The following EPHB1 variants were observed in gnomAD, a reference collection of about 807,000 sequenced individuals.
The protein encoded by EPHB1 is EPH receptor B1, also known as ephrin type-B receptor 1.
Under a neutral mutation model 94.4 loss-of-function variants are expected in EPHB1, and 30 were observed. The ratio of observed to expected loss-of-function variants is 0.32; its 90% CI spans 0.24 to 0.43. The LOEUF (loss-of-function observed/expected upper bound fraction) is 0.43, where lower values mean the gene tolerates loss of function less well. EPHB1 is among the 20% of genes least tolerant of loss of function. The pLI, the probability that EPHB1 is intolerant of heterozygous loss-of-function variation, is 1.00. For missense variants in EPHB1, 1,055 were observed against 1,308.3 expected, an observed-to-expected ratio of 0.81 and a Z score of 2.99; for synonymous variants, 522 against 489.1, an observed-to-expected ratio of 1.07 and a Z score of -0.89.
intron 3 of EPHB1, among the ~76,000 whole-genome samples, chr3:135,021,120 C>T (rs1369034230): frequency 6.6e-6 from 1 of 152,138 alleles, no homozygotes; most frequent in African/African-American, 2.4e-5. Context: ...CAAGTCACCT[C>T]TCTTATTGTT....
At chr3:135,097,995 G>A (rs1458215597) in intron 3 of EPHB1, among the ~76,000 whole-genome samples, 1 of 152,028 alleles carries the variant, frequency 6.6e-6, no homozygotes, top group African/African-American at 2.4e-5. Flanking sequence ...CACATCCTTT[G>A]AGGCCCTGTG....
At chr3:134,819,724 T>C (rs749678112) in intron 1 of EPHB1, among the ~76,000 whole-genome samples, 1 of 152,186 alleles carries the variant, frequency 6.6e-6, no homozygotes, top group Non-Finnish European at 1.5e-5. Flanking sequence ...AGCTTCTTTT[T>C]GTGGGAAAGG....
chr3:135,246,700 A>G (rs1220937206), intron 13 of EPHB1, among the ~76,000 whole-genome samples: 1 of 135,342 alleles, frequency 7.4e-6, no homozygotes, highest in African/African-American at 2.8e-5. Flanking sequence ...TTTGATTGAC[A>G]ACAGTTTAGA....
intron 3 of EPHB1, among the ~76,000 whole-genome samples, chr3:135,045,348 T>A (rs1936970128): frequency 6.6e-6 from 1 of 152,258 alleles, no homozygotes; most frequent in Non-Finnish European, 1.5e-5. Context: ...AGTGTTTGAT[T>A]AAGTCTTTAT....
chr3:135,194,136 G>A (rs114048810), intron 11 of EPHB1, among the ~76,000 whole-genome samples: 3,156 of 152,252 alleles, frequency 0.021, 115 homozygotes, highest in African/African-American at 0.07. Context: ...CACTTCCAAC[G>A]TAGTGACAGG....
intron 10 of EPHB1, among the ~76,000 whole-genome samples, chr3:135,183,021 TTTTCTTTTCTTTCTTTCTTTCTTTCTTTC>T (rs1410742924): frequency 6.5e-4 from 48 of 73,370 alleles, no homozygotes; most frequent in African/African-American, 2.0e-3. Context: ...TTTTCTTTTC[TTTTCTTTTCTTTCTTTCTTTCTTTCTTTC>T]TTTCTTTCTT....
chr3:135,225,236 A>G (rs1943365745), intron 12 of EPHB1, among the ~76,000 whole-genome samples: 3 of 152,190 alleles, frequency 2.0e-5, no homozygotes, highest in African/African-American at 7.2e-5. Flanking sequence ...AGAAAGATGC[A>G]AGGCGTAATC....
At chr3:134,958,412 GA>G (rs200716479) in intron 3 of EPHB1, among the ~76,000 whole-genome samples, 47,573 of 143,138 alleles carry the variant, frequency 0.33, 7,831 homozygotes, top group Middle Eastern at 0.5. Flanking sequence ...GAACACAAGG[GA>G]GTGTGTGTGT....
intron 3 of EPHB1, among the ~76,000 whole-genome samples, chr3:135,055,076 C>T (rs1289548570): frequency 2.0e-5 from 3 of 152,130 alleles, no homozygotes; most frequent in Non-Finnish European, 4.4e-5. Context: ...ATCCAGTTTA[C>T]TATCATTTTG....
intron 6 of EPHB1, among the ~76,000 whole-genome samples, chr3:135,160,354 T>G (rs868451256): frequency 3.3e-5 from 5 of 152,226 alleles, no homozygotes; most frequent in Non-Finnish European, 5.9e-5. Flanking sequence ...TATATTTACA[T>G]AAAATATATT....
At chr3:134,804,734 T>A (rs1323094099) in intron 1 of EPHB1, among the ~76,000 whole-genome samples, 2 of 152,236 alleles carry the variant, frequency 1.3e-5, no homozygotes, top group Admixed American at 6.5e-5. Context: ...GAGCTCTGGC[T>A]GCTTTTATCC....
chr3:135,044,713 C>G (rs1166238738), intron 3 of EPHB1, among the ~76,000 whole-genome samples: 1 of 152,180 alleles, frequency 6.6e-6, no homozygotes, highest in African/African-American at 2.4e-5. Context: ...TAATAAATGA[C>G]ACTGATTGTT....
intron 1 of EPHB1, among the ~76,000 whole-genome samples, chr3:134,872,542 T>C (rs2037521794): frequency 6.6e-6 from 1 of 152,194 alleles, no homozygotes; most frequent in Non-Finnish European, 1.5e-5. Flanking sequence ...ACATTACACA[T>C]CACAGATTTC....
chr3:135,118,172 GTC>G (rs1939789534), intron 4 of EPHB1, among the ~76,000 whole-genome samples: 1 of 152,176 alleles, frequency 6.6e-6, no homozygotes, highest in Non-Finnish European at 1.5e-5. Context: ...GCTCCATGAG[GTC>G]AGCCGTGCCC....
intron 1 of EPHB1, among the ~76,000 whole-genome samples, chr3:134,871,339 C>A (rs1487848258): frequency 2.0e-5 from 3 of 152,022 alleles, no homozygotes; most frequent in Admixed American, 1.3e-4. Flanking sequence ...ATAAATGAGT[C>A]AGTTTGGCTG....
At chr3:134,816,251 T>C (rs1312450349) in intron 1 of EPHB1, among the ~76,000 whole-genome samples, 1 of 151,426 alleles carries the variant, frequency 6.6e-6, no homozygotes, top group Non-Finnish European at 1.5e-5. Flanking sequence ...GCCAGCTAAT[T>C]TTTTTGTTTT....
intron 13 of EPHB1, among the ~76,000 whole-genome samples, chr3:135,245,893 C>T (rs950288307): frequency 2.8e-4 from 42 of 150,946 alleles, no homozygotes; most frequent in South Asian, 2.3e-3. Flanking sequence ...GAGTTACATT[C>T]GGTCTAGAGC....
chr3:134,910,140 G>A (rs748537238), intron 1 of EPHB1, among the ~76,000 whole-genome samples: 1 of 152,190 alleles, frequency 6.6e-6, no homozygotes, highest in Non-Finnish European at 1.5e-5. Flanking sequence ...GGGCATCTGG[G>A]TTGTGATGTG....
chr3:135,055,128 C>G (rs1392120586), intron 3 of EPHB1, among the ~76,000 whole-genome samples: 1 of 152,162 alleles, frequency 6.6e-6, no homozygotes, highest in Non-Finnish European at 1.5e-5. Flanking sequence ...TTAAAAAAAT[C>G]AAGAACCTTA....
Sources: gnomAD v4.1 joint callset for allele counts (sites outside exome capture counted in the v4.1 genomes callset) on GRCh38, gnomAD v4.1.1 for gene constraint, MANE v1.5 for transcripts, NCBI Gene and HGNC (gene_info 2026-07-23, HGNC 2026-07-21) for gene names.